The following AGPS variants were observed in gnomAD, a reference collection of about 807,000 sequenced individuals.
The protein encoded by AGPS is alkyldihydroxyacetonephosphate synthase, peroxisomal.
A neutral mutation model predicts 90.7 loss-of-function variants in AGPS; 26 were observed. That is an observed-to-expected ratio of 0.29 (90% CI 0.21 to 0.40). AGPS has a LOEUF of 0.40. Ranked by LOEUF, AGPS falls within the 10% of genes least tolerant of loss-of-function variation. AGPS has a pLI of 1.00. For missense variants in AGPS, 540 were observed against 816.1 expected (o/e 0.66, Z 4.12); for synonymous variants, 294 against 285.3 (o/e 1.03, Z -0.31).
At chr2:177,503,785 A>T (rs1220839120) in intron 14 of AGPS, among the ~76,000 whole-genome samples, 1 of 152,204 alleles carries the variant, frequency 6.6e-6, no homozygotes. Context: ...TGTAAAGCCC[A>T]GACTGACTCT....
intron 10 of AGPS, among the ~76,000 whole-genome samples, chr2:177,473,790 A>G (rs1367712760): frequency 6.6e-6 from 1 of 152,210 alleles, no homozygotes; most frequent in Admixed American, 6.5e-5. Context: ...TGGGACCTGG[A>G]TGGATTTTTA....
chr2:177,505,476 AT>A, intron 14 of AGPS, 29 bp from the exon 15 acceptor site: 1 of 1,593,378 alleles, frequency 6.3e-7, no homozygotes. Context: ...AAGATAAAAA[AT>A]TTATTAACAG....
chr2:177,394,772 T>A (rs930707832), intron 1 of AGPS, among the ~76,000 whole-genome samples: 1 of 152,192 alleles, frequency 6.6e-6, no homozygotes, highest in Non-Finnish European at 1.5e-5. Context: ...GCAGTGTTGC[T>A]GTGAGAATTG....
At position 177,543,709 on chromosome 2, in the gene AGPS, C is replaced by G. The variant is rs2079259951; in HGVS notation, c.*5514C>G. On this transcript the variant is annotated 3_prime_UTR_variant, in exon 20 of 20. Coordinates refer to ENST00000264167, the MANE Select transcript of AGPS (RefSeq NM_003659.4). ...AAGGGCTCAACACATAGTCAGTATTCCGTGCTTTCAGTGTGTGTTCAGATT... is the reference window on the plus strand; with the variant it reads ...AAGGGCTCAACACATAGTCAGTATTGCGTGCTTTCAGTGTGTGTTCAGATT... 2.0e-5 allele frequency: 3 copies of G among 152,312 alleles called. No homozygotes were observed. The South Asian group carries it at 6.2e-4, about 32-fold the overall frequency. 9.4% of individuals were successfully genotyped at this position (152,312 alleles called of 1,614,324 possible).
chr2:177,507,861 G>A (rs1319653748), intron 15 of AGPS, 109 bp from the exon 16 acceptor site: 1 of 859,464 alleles, frequency 1.2e-6, no homozygotes, highest in Non-Finnish European at 2.0e-6. Flanking sequence ...AGTGGATGAA[G>A]TTAAATGAGA....
At chr2:177,472,634 T>G (rs1198406006) in intron 10 of AGPS, among the ~76,000 whole-genome samples, 1 of 152,202 alleles carries the variant, frequency 6.6e-6, no homozygotes, top group African/African-American at 2.4e-5. Flanking sequence ...TTTCTAGTCC[T>G]ATTTGTTACT....
chr2:177,410,783 C>T (rs537419324), intron 1 of AGPS, among the ~76,000 whole-genome samples: 33 of 152,176 alleles, frequency 2.2e-4, no homozygotes, highest in African/African-American at 7.9e-4. Context: ...GTGAGGGTGA[C>T]GGCATGGGCT....
chr2:177,461,297 C>T (rs1687285818), intron 8 of AGPS, among the ~76,000 whole-genome samples: 1 of 152,190 alleles, frequency 6.6e-6, no homozygotes, highest in South Asian at 2.1e-4. Flanking sequence ...AAACAAGTGA[C>T]TATTTAATGT....
At chr2:177,442,828 CAAAAAA>C (rs71007994) in intron 7 of AGPS, among the ~76,000 whole-genome samples, 3 of 99,408 alleles carry the variant, frequency 3.0e-5, no homozygotes, top group Non-Finnish European at 2.0e-5. Flanking sequence ...GCCTGGGTGA[CAAAAAA>C]AAAAAAAAAA....
At chr2:177,433,012 C>T (rs75009326) in intron 2 of AGPS, among the ~76,000 whole-genome samples, 17,997 of 152,194 alleles carry the variant, frequency 0.12, 1,293 homozygotes, top group East Asian at 0.34. Flanking sequence ...TAAAGATATA[C>T]GTCCATGACC....
rs1403037189 is a variant in AGPS at position 177,542,133 on chromosome 2, C to T, written c.*3938C>T. The T allele has an allele frequency of 6.6e-6, 1 of 151,830 alleles. No homozygotes were observed. The highest frequency in any genetic ancestry group is 1.9e-4 in the East Asian group (1 of 5,190). The allele number at this position is 151,830 out of a possible 1,614,324, so 9.4% of individuals were successfully genotyped here. On this transcript the variant is annotated 3_prime_UTR_variant, in exon 20 of 20. Coordinates refer to ENST00000264167, the MANE Select transcript of AGPS (RefSeq NM_003659.4). ...TTTTAGTTTTTCATGTTCATATTTCCACTGATTTGAAAACACAAAATTTAT... is the reference window on the plus strand; with the variant it reads ...TTTTAGTTTTTCATGTTCATATTTCTACTGATTTGAAAACACAAAATTTAT...
chr2:177,534,444 G>A (rs538933915), intron 19 of AGPS, among the ~76,000 whole-genome samples: 1 of 152,086 alleles, frequency 6.6e-6, no homozygotes, highest in African/African-American at 2.4e-5. Context: ...TATGTGTTGT[G>A]GAAGAATACA....
At chr2:177,492,887 T>C (rs2105705147) in intron 11 of AGPS, among the ~76,000 whole-genome samples, 1 of 144,996 alleles carries the variant, frequency 6.9e-6, no homozygotes, top group African/African-American at 2.5e-5. Flanking sequence ...CAGCTTTTTC[T>C]GCTGATAAAT....
chr2:177,502,474 C>G (rs959874490), intron 14 of AGPS, among the ~76,000 whole-genome samples: 1 of 144,724 alleles, frequency 6.9e-6, no homozygotes, highest in Non-Finnish European at 1.5e-5. Flanking sequence ...GTGCAGTGAC[C>G]TGATGATCAT....
At position 177,392,999 on chromosome 2, in the gene AGPS, G is replaced by C; in HGVS notation, c.210G>C (p.Ala70=). ...ARRAASAATA[A]PTATPAAQES... is the part of the protein sequence containing the mutation. ...GAGCCGCGTCGGCGGCCACGGCAGC[G>C]CCCACGGCCACTCCCGCCGCGCAGG... The change falls in exon 1 of 20, where the codon GCG becomes GCC. Residue 70 remains alanine, a synonymous_variant. Coordinates refer to ENST00000264167, the MANE Select transcript of AGPS (RefSeq NM_003659.4). 6.5e-7 allele frequency: 1 copy of C among 1,550,232 alleles called. No homozygotes were observed.
intron 8 of AGPS, among the ~76,000 whole-genome samples, chr2:177,455,302 G>A (rs972760892): frequency 1.3e-5 from 2 of 152,106 alleles, no homozygotes; most frequent in African/African-American, 4.8e-5. Flanking sequence ...TGAGCTCTAT[G>A]CTCAATCTCA....
chr2:177,393,625 C>T (rs1685086983), intron 1 of AGPS: 6 of 962,098 alleles, frequency 6.2e-6, no homozygotes, highest in African/African-American at 1.8e-5. Context: ...CAAACACTAG[C>T]TAGTGGTTTA....
chr2:177,532,035 T>A (rs912254724), intron 19 of AGPS, among the ~76,000 whole-genome samples: 1 of 152,060 alleles, frequency 6.6e-6, no homozygotes, highest in African/African-American at 2.4e-5. Flanking sequence ...TTAGAAAAAT[T>A]TAAAGAATAT....
At chr2:177,451,454 A>T (rs1686947199) in intron 8 of AGPS, among the ~76,000 whole-genome samples, 1 of 150,990 alleles carries the variant, frequency 6.6e-6, no homozygotes, top group Non-Finnish European at 1.5e-5. Context: ...ATCTCATTGG[A>T]TTTTTTACAT....
Sources: allele counts gnomAD v4.1 joint callset (sites outside exome capture counted in the v4.1 genomes callset), GRCh38; gene constraint gnomAD v4.1.1; transcripts MANE v1.5; gene names NCBI Gene and HGNC (gene_info 2026-07-23, HGNC 2026-07-21).